Variants in ZSCAN5A observed in about 807,000 individuals in gnomAD.
ZSCAN5A encodes zinc finger and SCAN domain-containing protein 5A.
In ZSCAN5A, 12 loss-of-function variants were observed where a neutral mutation model predicts 23.7. The ratio of observed to expected loss-of-function variants is 0.51; its 90% CI spans 0.32 to 0.82. The LOEUF is 0.82. Ranked by LOEUF, ZSCAN5A falls within the 40% of genes least tolerant of loss-of-function variation. ZSCAN5A has a pLI of 0.03. For missense variants in ZSCAN5A, 597 were observed against 617.9 expected, an observed-to-expected ratio of 0.97 and a Z score of 0.36; for synonymous variants, 257 against 239.9, an observed-to-expected ratio of 1.07 and a Z score of -0.66.
chr19:56,329,483 T>A (rs1257233531), intron 2 of ZSCAN5A, among the ~76,000 whole-genome samples: 1 of 151,950 alleles, frequency 6.6e-6, no homozygotes, highest in East Asian at 1.9e-4. Flanking sequence ...ATTAAGTATA[T>A]CAGTAAAGAA....
intron 2 of ZSCAN5A, among the ~76,000 whole-genome samples, chr19:56,240,695 G>T (rs533369750): frequency 1.3e-5 from 2 of 152,268 alleles, no homozygotes; most frequent in East Asian, 3.9e-4. Flanking sequence ...GGCTTGTTAT[G>T]AAACCCTTAT....
At chr19:56,266,038 T>C (rs1057174755) in intron 2 of ZSCAN5A, among the ~76,000 whole-genome samples, 9 of 152,204 alleles carry the variant, frequency 5.9e-5, no homozygotes, top group Admixed American at 2.0e-4. Context: ...CAATCATACC[T>C]GTATAGATTC....
intron 5 of ZSCAN5A, 101 bp from the exon 6 acceptor site, chr19:56,222,427 A>G (rs1394033652): frequency 2.6e-6 from 4 of 1,566,072 alleles, no homozygotes; most frequent in African/African-American, 2.7e-5. Context: ...CTTCCGCTCA[A>G]GCTCAAGCCT....
rs974479835 is a variant in ZSCAN5A at position 56,281,519 on chromosome 19, C to T, written c.-128+31764G>A. ...TATGTGACAAACTACATAAAAATAG[C>T]GTCCCATATAAAGATCGCACTCCAT... On this transcript the variant is annotated intron_variant, in intron 2 of 5. Transcript: ENST00000683990. Among the ~76,000 whole-genome samples the T allele has an allele frequency of 4.6e-5, 7 of 152,032 alleles. 1 individual carries two copies. In the South Asian group the frequency reaches 6.2e-4, roughly 14 times the overall value.
At chr19:56,223,446 G>C (rs927610044) in intron 4 of ZSCAN5A, among the ~76,000 whole-genome samples, 185 bp downstream of exon 4, 1 of 152,240 alleles carries the variant, frequency 6.6e-6, no homozygotes, top group Non-Finnish European at 1.5e-5. Context: ...ATGGTGGAGA[G>C]AAAAGTAGAT....
Position 56,224,702 on chromosome 19 carries a change from C to T in ZSCAN5A, c.345G>A (p.Leu115=). The T allele has an allele frequency of 1.3e-6, 2 of 1,552,132 alleles. No homozygotes were observed. Among genetic ancestry groups the T allele is most frequent in the Non-Finnish European group, 1.7e-6 (2 of 1,148,964 alleles). Reference sequence around the variant, plus strand: ...TTCTGTTATTTCGTAGCAGGTCCTCCAGGTCTTTGCAGCTCTGCACACCGT... The same window carrying T: ...TTCTGTTATTTCGTAGCAGGTCCTCTAGGTCTTTGCAGCTCTGCACACCGT... ...MMNGVQSCKD[L]EDLLRNNRRP... is the part of the protein sequence containing the mutation. Residue 115 remains leucine (L), a synonymous_variant, in exon 3 of 6, where the codon CTG becomes CTA. Transcript: ENST00000683990.
At chr19:56,368,182 CTA>C (rs1375108640) in intron 1 of ZSCAN5A, 9 of 152,400 alleles carry the variant, frequency 5.9e-5, no homozygotes, top group South Asian at 2.1e-4. Context: ...CGTCGAGGCC[CTA>C]CGGGGCGTCA....
intron 2 of ZSCAN5A, among the ~76,000 whole-genome samples, chr19:56,304,015 C>T (rs1041938595): frequency 1.4e-4 from 22 of 152,226 alleles, no homozygotes; most frequent in African/African-American, 5.1e-4. Flanking sequence ...TCATAGACCA[C>T]GAGAAGGAAG....
chr19:56,331,193 G>A (rs146101280), intron 2 of ZSCAN5A, among the ~76,000 whole-genome samples: 8 of 152,218 alleles, frequency 5.3e-5, no homozygotes, highest in East Asian at 1.9e-4. Context: ...TTTGCTTATC[G>A]TAGTCTTGTG....
At chr19:56,332,838 G>C (rs2041501650) in intron 2 of ZSCAN5A, among the ~76,000 whole-genome samples, 1 of 152,174 alleles carries the variant, frequency 6.6e-6, no homozygotes, top group Admixed American at 6.5e-5. Flanking sequence ...AGGATTTCTT[G>C]TAAGGCTGGT....
At chr19:56,357,822 T>C (rs1293241145) in intron 2 of ZSCAN5A, among the ~76,000 whole-genome samples, 3 of 148,052 alleles carry the variant, frequency 2.0e-5, no homozygotes, top group Admixed American at 6.7e-5. Flanking sequence ...GACTAAAAAA[T>C]TGGATAAAGA....
upstream of ZSCAN5A, chr19:56,315,733 C>A (rs1053544574): frequency 2.0e-5 from 3 of 152,168 alleles, no homozygotes; most frequent in Non-Finnish European, 2.9e-5. Flanking sequence ...CTTACTATTT[C>A]AGGGCCCCGG....
chr19:56,223,525 T>G, intron 4 of ZSCAN5A, 106 bp downstream of exon 4: 1 of 1,187,042 alleles, frequency 8.4e-7, no homozygotes, highest in Non-Finnish European at 1.2e-6. Context: ...GGGGAATGGC[T>G]CTAATCTTGT....
chr19:56,305,281 T>C (rs766580850), intron 2 of ZSCAN5A, among the ~76,000 whole-genome samples: 26 of 152,156 alleles, frequency 1.7e-4, no homozygotes, highest in Non-Finnish European at 1.9e-4. Context: ...ACTAGTCTAC[T>C]CTCTGTCTCT....
At chr19:56,294,473 G>A (rs1369204222) in intron 2 of ZSCAN5A, among the ~76,000 whole-genome samples, 4 of 152,174 alleles carry the variant, frequency 2.6e-5, no homozygotes, top group Non-Finnish European at 5.9e-5. Flanking sequence ...GTGACATAAG[G>A]CAGGGATCAA....
At chr19:56,236,920 G>A (rs1441258082) in intron 2 of ZSCAN5A, among the ~76,000 whole-genome samples, 6 of 151,874 alleles carry the variant, frequency 4.0e-5, no homozygotes, top group African/African-American at 1.5e-4. Flanking sequence ...CTGATGGATG[G>A]TGGGCCAAGC....
chr19:56,322,100 C>A, intron 2 of ZSCAN5A: 3 of 761,366 alleles, frequency 3.9e-6, no homozygotes, highest in Non-Finnish European at 7.3e-6. Context: ...ACAAGGATAT[C>A]AAATTCAGAT....
chr19:56,320,075 T>G, intron 2 of ZSCAN5A: 4 of 774,954 alleles, frequency 5.2e-6, no homozygotes, highest in Admixed American at 5.1e-5. Context: ...TCTCTTCTTA[T>G]ACCTGTCACT....
At position 56,328,243 on chromosome 19, in the gene ZSCAN5A, C is replaced by G. The variant is rs542966270; in HGVS notation, c.-357-11975G>C. Among the ~76,000 whole-genome samples the G allele has an allele frequency of 2.6e-5, 4 of 152,214 alleles. No individual in the cohort carries two copies. The South Asian group carries it at 8.3e-4, about 32-fold the overall frequency. Reference sequence around the variant, plus strand: ...AGTTGTTTTTTCAACATATTGAATACTTCCAAAGATACAATTATAAAGAAA... The same window carrying G: ...AGTTGTTTTTTCAACATATTGAATAGTTCCAAAGATACAATTATAAAGAAA... On this transcript the variant is annotated intron_variant, in intron 2 of 6. Transcript: ENST00000587340.
Sources: allele counts gnomAD v4.1 joint callset (sites outside exome capture counted in the v4.1 genomes callset), GRCh38; gene constraint gnomAD v4.1.1; transcripts MANE v1.5; gene names NCBI Gene and HGNC (gene_info 2026-07-23, HGNC 2026-07-21).